TMEM39A: variants seen among roughly 807,000 people sequenced by gnomAD.
TMEM39A encodes transmembrane protein 39A.
In TMEM39A, 19 loss-of-function variants were observed where a neutral mutation model predicts 51.9. The observed-to-expected ratio is 0.37, with a 90% CI of 0.26 to 0.54. TMEM39A has a LOEUF of 0.54. Ranked by LOEUF, TMEM39A falls within the 20% of genes least tolerant of loss-of-function variation. The pLI is 0.88. For synonymous variants in TMEM39A, 197 were observed against 220.2 expected (o/e 0.89, Z 0.93); for missense variants, 433 against 590.5 (o/e 0.73, Z 2.76).
chr3:119,457,116 G>A (rs529798681), intron 3 of TMEM39A, among the ~76,000 whole-genome samples: 109 of 152,074 alleles, frequency 7.2e-4, no homozygotes, highest in Non-Finnish European at 1.4e-3. Context: ...GACTACAGGC[G>A]CCTGCCATCA....
intron 4 of TMEM39A, among the ~76,000 whole-genome samples, chr3:119,448,484 A>C (rs1018452126): frequency 1.3e-5 from 2 of 152,200 alleles, no homozygotes; most frequent in African/African-American, 4.8e-5. Flanking sequence ...AGTACCTATA[A>C]CATATACGCA....
In TMEM39A at chr3:119,444,522, C is replaced by T. The variant is rs575990739; in HGVS notation, c.575+2496G>A. Among the ~76,000 whole-genome samples, 571 of 152,252 alleles carry T rather than the reference C, an allele frequency of 3.8e-3. 2 individuals are homozygous for T. The highest frequency in any genetic ancestry group is 4.8e-3 in the South Asian group (23 of 4,824). On this transcript the variant is annotated intron_variant, in intron 5 of 8. Coordinates refer to ENST00000319172, the MANE Select transcript of TMEM39A (RefSeq NM_018266.3). ...TGTAATCAGACCTACTATAGTATAACCAATAGAAAGACTGTTCCTGTCATC... is the reference window on the plus strand; with the variant it reads ...TGTAATCAGACCTACTATAGTATAATCAATAGAAAGACTGTTCCTGTCATC...
intron 2 of TMEM39A, among the ~76,000 whole-genome samples, chr3:119,461,320 T>C (rs899235503): frequency 6.6e-5 from 10 of 152,124 alleles, no homozygotes; most frequent in African/African-American, 2.4e-4. Flanking sequence ...AGGTCAGGCC[T>C]AGAAAACAAA....
intron 3 of TMEM39A, among the ~76,000 whole-genome samples, chr3:119,456,925 A>T: frequency 6.6e-6 from 1 of 151,356 alleles, no homozygotes; most frequent in Non-Finnish European, 1.5e-5. Context: ...ATTTTTTTAT[A>T]TACCCATCTA....
chr3:119,429,118 A>G lies in TMEM39A; in HGVS notation c.*2863T>C, dbSNP rs1473029797. Among the ~76,000 whole-genome samples, 1 of 152,032 alleles carries G rather than the reference A, an allele frequency of 6.6e-6. No homozygotes were observed. The highest frequency in any genetic ancestry group is 1.9e-4 in the East Asian group (1 of 5,186). ...TTAGTTAATGAACTCGAACATCACTATCTCCGGCACCCAGCAGTGTTTGGC... is the reference window on the plus strand; with the variant it reads ...TTAGTTAATGAACTCGAACATCACTGTCTCCGGCACCCAGCAGTGTTTGGC... On this transcript the variant is annotated 3_prime_UTR_variant, in exon 9 of 9. Coordinates refer to ENST00000319172, the MANE Select transcript of TMEM39A (RefSeq NM_018266.3).
At chr3:119,449,134 G>A (rs1312654950) in intron 4 of TMEM39A, among the ~76,000 whole-genome samples, 2 of 152,236 alleles carry the variant, frequency 1.3e-5, no homozygotes, top group African/African-American at 2.4e-5. Context: ...ATTTCGCTAG[G>A]TGAGGGGCAG....
At chr3:119,460,713 G>A (rs2081325927) in intron 2 of TMEM39A, among the ~76,000 whole-genome samples, 1 of 152,136 alleles carries the variant, frequency 6.6e-6, no homozygotes, top group Non-Finnish European at 1.5e-5. Context: ...CAAAGAGAAC[G>A]AACAAAGAAC....
chr3:119,429,576 A>T lies in TMEM39A; in HGVS notation c.*2405T>A, dbSNP rs759993745. ...GCAAATATAGTGTCCCTTCTGTTAC[A>T]TGAACTATAATAGGATATCCGGGTA... On this transcript the variant is annotated 3_prime_UTR_variant, in exon 9 of 9. Transcript: ENST00000319172. 6.6e-6 allele frequency: 1 copy of T among 152,126 alleles called. No homozygotes were observed. Among genetic ancestry groups the T allele is most frequent in the African/African-American group, 2.4e-5 (1 of 41,430 alleles). 9.4% of individuals were successfully genotyped at this position (152,126 alleles called of 1,614,324 possible). A position where few individuals can be genotyped will look rare whatever the true frequency, so the allele number is the denominator to read the frequency against.
chr3:119,462,666 T>G, intron 1 of TMEM39A, among the ~76,000 whole-genome samples: 1 of 107,286 alleles, frequency 9.3e-6, no homozygotes, highest in Non-Finnish European at 1.8e-5. Flanking sequence ...GTGTCCCCTG[T>G]TCTGCAGAGG....
intron 5 of TMEM39A, among the ~76,000 whole-genome samples, chr3:119,440,249 T>G (rs1248574519): frequency 6.6e-6 from 1 of 152,160 alleles, no homozygotes; most frequent in Admixed American, 6.5e-5. Flanking sequence ...TCCTTTGTAG[T>G]CTCACTGCCA....
At chr3:119,439,098 T>G (rs1408647396) in intron 5 of TMEM39A, among the ~76,000 whole-genome samples, 1 of 152,218 alleles carries the variant, frequency 6.6e-6, no homozygotes, top group Non-Finnish European at 1.5e-5. Flanking sequence ...CCAGTAAAAT[T>G]AATTGGTTAA....
Position 119,434,076 on chromosome 3 carries a change from A to G in TMEM39A, c.1233+686T>C, listed in dbSNP as rs577893143. Among the ~76,000 whole-genome samples the G allele has an allele frequency of 1.6e-4, 24 of 152,304 alleles. 1 individual carries two copies. The South Asian group carries it at 4.1e-3, about 26-fold the overall frequency. ...ACTGCACTATAGGCATTTTTACTATAAACAGTCCCCTGCAGGCACCTACTT... is the reference window on the plus strand; with the variant it reads ...ACTGCACTATAGGCATTTTTACTATGAACAGTCCCCTGCAGGCACCTACTT... On this transcript the variant is annotated intron_variant, in intron 8 of 8. Transcript: ENST00000319172.
At chr3:119,459,291 T>C (rs2081307305) in intron 2 of TMEM39A, among the ~76,000 whole-genome samples, 1 of 152,218 alleles carries the variant, frequency 6.6e-6, no homozygotes, top group Non-Finnish European at 1.5e-5. Context: ...TGTTTTGTCC[T>C]TGCATATAAA....
chr3:119,442,506 T>C (rs79307191), intron 5 of TMEM39A, among the ~76,000 whole-genome samples: 20,044 of 152,152 alleles, frequency 0.13, 1,390 homozygotes, highest in South Asian at 0.18. Flanking sequence ...AAGAAATACG[T>C]TTTGTAAGGC....
At chr3:119,440,713 G>C (rs888142684) in intron 5 of TMEM39A, among the ~76,000 whole-genome samples, 2 of 152,032 alleles carry the variant, frequency 1.3e-5, no homozygotes, top group Admixed American at 1.3e-4. Flanking sequence ...TCGCACTTTT[G>C]ATTTTTAAAT....
chr3:119,435,881 CT>C (rs2080962101), intron 7 of TMEM39A: 1 of 1,289,476 alleles, frequency 7.8e-7, no homozygotes, highest in African/African-American at 1.5e-5. Flanking sequence ...AGTCGGGTTT[CT>C]TTTCAGCCTG....
chr3:119,453,755 A>G (rs1465413576), intron 3 of TMEM39A, among the ~76,000 whole-genome samples: 1 of 152,236 alleles, frequency 6.6e-6, no homozygotes, highest in African/African-American at 2.4e-5. Flanking sequence ...AAATAGGGAA[A>G]TAAGTTTCTA....
rs71293252 is a variant in TMEM39A, at chr3:119,443,906, A to AAAAATAAAATAAAAT, written c.575+3097_575+3111dup. The stretch of plus-strand genomic sequence containing the variant: ...GGCAACACAGCAAGACCTTGTCTCA[A>AAAAATAAAATAAAAT]AAAATAAAATAAAATAAAATAAAAT... On this transcript the variant is annotated intron_variant, in intron 5 of 8. Coordinates refer to ENST00000319172, the MANE Select transcript of TMEM39A (RefSeq NM_018266.3). Among the ~76,000 whole-genome samples the AAAAATAAAATAAAAT allele has an allele frequency of 7.4e-5, 11 of 149,586 alleles. No homozygotes were observed. The South Asian group carries it at 1.1e-3, about 15-fold the overall frequency.
intron 1 of TMEM39A, among the ~76,000 whole-genome samples, chr3:119,462,541 G>A (rs549158533): frequency 1.7e-4 from 26 of 149,508 alleles, no homozygotes; most frequent in Admixed American, 1.4e-3. Flanking sequence ...GTTATCAAGG[G>A]ATATGGCTTG....
Sources: gnomAD v4.1 joint callset for allele counts (sites outside exome capture counted in the v4.1 genomes callset) on GRCh38, gnomAD v4.1.1 for gene constraint, MANE v1.5 for transcripts, NCBI Gene and HGNC (gene_info 2026-07-23, HGNC 2026-07-21) for gene names.